REPS2: variants seen among roughly 807,000 people sequenced by gnomAD.
The protein encoded by REPS2 is ralBP1-associated Eps domain-containing protein 2.
REPS2 carries 23 observed loss-of-function variants against 53.6 expected under a neutral mutation model. That is an observed-to-expected ratio of 0.43 (90% confidence interval 0.31 to 0.61). The LOEUF (loss-of-function observed/expected upper bound fraction) is 0.61, where lower values mean the gene tolerates loss of function less well. Among genes scored for constraint, REPS2 ranks in the 20% least tolerant of loss-of-function variants. The pLI is 0.11. For synonymous variants in REPS2, 238 were observed against 218.6 expected (o/e 1.09, Z -0.78); for missense variants, 446 against 534.9 (o/e 0.83, Z 1.64).
intron 14 of REPS2, among the ~76,000 whole-genome samples, chrX:17,130,461 C>T (rs1180071854): frequency 8.9e-6 from 1 of 111,838 alleles, no homozygotes; most frequent in Non-Finnish European, 1.9e-5. Flanking sequence ...ACACATTGCT[C>T]TTTTAGCCCA....
the REPS2 span, among the ~76,000 whole-genome samples, chrX:17,165,137 A>C: frequency 8.9e-6 from 1 of 111,879 alleles, no homozygotes; most frequent in Non-Finnish European, 1.9e-5. Context: ...TAGAGAAACC[A>C]TCAGATGGGA....
the REPS2 span, among the ~76,000 whole-genome samples, chrX:17,186,393 A>G: frequency 8.9e-6 from 1 of 112,425 alleles, no homozygotes; most frequent in Admixed American, 9.4e-5. Flanking sequence ...GCTTAATGTT[A>G]TTATGCAATT....
At chrX:16,975,694 G>A (rs1488351710) in intron 1 of REPS2, among the ~76,000 whole-genome samples, 1 of 111,635 alleles carries the variant, frequency 9.0e-6, no homozygotes, top group Non-Finnish European at 1.9e-5. Flanking sequence ...TAGATATGAC[G>A]TATCAGAGTG....
At position 17,151,555 on chromosome X, in the gene REPS2, A is replaced by G. The variant is rs1165547250; in HGVS notation, c.*4074A>G. 1.8e-5 allele frequency: 2 copies of G among 112,946 alleles called. No individual in the cohort carries two copies. The highest frequency in any genetic ancestry group is 6.5e-5 in the African/African-American group (2 of 31,007). 9.3% of individuals were successfully genotyped at this position (112,946 alleles called of 1,213,427 possible). ...AGCTAAAAACATTTGTTCAACACAAACTAGAATCACACCTTCTCACTAGAT... is the reference window on the plus strand; with the variant it reads ...AGCTAAAAACATTTGTTCAACACAAGCTAGAATCACACCTTCTCACTAGAT... On this transcript the variant is annotated 3_prime_UTR_variant, in exon 18 of 18. Transcript: ENST00000357277.
intron 13 of REPS2, among the ~76,000 whole-genome samples, chrX:17,100,833 C>T (rs2062784396): frequency 9.0e-6 from 1 of 111,062 alleles, no homozygotes; most frequent in Non-Finnish European, 1.9e-5. Context: ...AATCCCAACA[C>T]TTTAGGAGGC....
rs375592148 is a variant in REPS2, at chrX:17,054,956, G to A, written c.1114+6G>A. 4 of 1,204,721 alleles carry A rather than the reference G, an allele frequency of 3.3e-6. No individual in the cohort carries two copies. In the African/African-American group the frequency reaches 7.0e-5, roughly 21 times the overall value. ...GCCAGAATACCTGCAGGCAGGTAAGGCCTCACCATCAACTGTAAACCTTAA... is the reference window on the plus strand; with the variant it reads ...GCCAGAATACCTGCAGGCAGGTAAGACCTCACCATCAACTGTAAACCTTAA... On this transcript the variant is annotated splice_donor_region_variant and intron_variant, in intron 8 of 17. Coordinates refer to ENST00000357277, the MANE Select transcript of REPS2 (RefSeq NM_004726.3).
rs1197984987 is a variant in REPS2, at chrX:16,968,036, G to T, written c.273+20902G>T. Among the ~76,000 whole-genome samples the T allele has an allele frequency of 9.9e-5, 11 of 110,627 alleles. No individual in the cohort carries two copies. The South Asian group carries it at 1.5e-3, about 15-fold the overall frequency. The stretch of plus-strand genomic sequence containing the variant: ...TGGGTACTTGAGATTAGGGAGCGGT[G>T]ATGACTCTTAAGGAGCATGCTGCCT... On this transcript the variant is annotated intron_variant, in intron 1 of 17. Transcript: ENST00000357277.
the REPS2 span, among the ~76,000 whole-genome samples, chrX:17,177,564 G>C: frequency 8.9e-6 from 1 of 111,770 alleles, no homozygotes; most frequent in Non-Finnish European, 1.9e-5. Flanking sequence ...TGGCCCAGAT[G>C]CCTGTCATCA....
intron 13 of REPS2, among the ~76,000 whole-genome samples, chrX:17,085,725 G>A (rs984902993): frequency 2.7e-5 from 3 of 111,080 alleles, no homozygotes; most frequent in South Asian, 3.7e-4. Flanking sequence ...GTTAAAAACC[G>A]TATTATGAAA....
chrX:17,117,948 CTTTTTTTTTTTT>C (rs145872769), intron 14 of REPS2, among the ~76,000 whole-genome samples: 11 of 31,005 alleles, frequency 3.5e-4, no homozygotes, highest in East Asian at 3.6e-3. Flanking sequence ...TGTTTCCTGA[CTTTTTTTTTTTT>C]TTTTTTTTTT....
rs113003240 is a variant in REPS2, at chrX:16,973,537, A to G, written c.273+26403A>G. 4.7e-3 allele frequency among the ~76,000 whole-genome samples: 526 copies of G among 111,924 alleles called. 3 individuals are homozygous for G. The highest frequency in any genetic ancestry group is 0.016 in the African/African-American group (506 of 30,889). ...ATAACGCTAGCAGCTGTGTTCCTCA[A>G]CTTTCAGGAGCTTAACACAACAGAT... On this transcript the variant is annotated intron_variant, in intron 1 of 17. Coordinates refer to ENST00000357277, the MANE Select transcript of REPS2 (RefSeq NM_004726.3).
chrX:17,077,784 A>G (rs1053244296), intron 13 of REPS2, among the ~76,000 whole-genome samples: 24 of 112,617 alleles, frequency 2.1e-4, no homozygotes, highest in Non-Finnish European at 7.5e-5. Context: ...GTGGTCTTCT[A>G]TGAAAGATCT....
intron 14 of REPS2, among the ~76,000 whole-genome samples, chrX:17,120,155 G>A (rs1190577105): frequency 3.6e-5 from 4 of 111,755 alleles, no homozygotes; most frequent in Admixed American, 9.5e-5. Context: ...GATTACAGGC[G>A]TGAGCCACTG....
intron 5 of REPS2, among the ~76,000 whole-genome samples, chrX:17,033,893 C>T (rs1323901038): frequency 8.9e-6 from 1 of 112,109 alleles, no homozygotes. Flanking sequence ...GCCGCTTTCC[C>T]TCCACTCTCT....
intron 1 of REPS2, among the ~76,000 whole-genome samples, chrX:16,962,547 G>A (rs2060678483): frequency 1.8e-5 from 2 of 111,539 alleles, no homozygotes; most frequent in African/African-American, 6.5e-5. Context: ...AGGTCAAAGT[G>A]TACAAACTTG....
At chrX:17,066,117 A>G (rs1378302189) in intron 9 of REPS2, among the ~76,000 whole-genome samples, 1 of 112,066 alleles carries the variant, frequency 8.9e-6, no homozygotes, top group East Asian at 2.8e-4. Flanking sequence ...TTTCAGTTCT[A>G]TTCTATTGAT....
chrX:17,069,191 C>T (rs1038406740), intron 10 of REPS2, among the ~76,000 whole-genome samples: 3 of 112,115 alleles, frequency 2.7e-5, no homozygotes, highest in African/African-American at 6.5e-5. Context: ...GATGAGTAAA[C>T]TGAAATTCAG....
chrX:17,160,147 C>CT, the REPS2 span, among the ~76,000 whole-genome samples: 1 of 112,655 alleles, frequency 8.9e-6, no homozygotes, highest in Admixed American at 9.4e-5. Flanking sequence ...ATAAATTTCA[C>CT]TGAGGAGATT....
At chrX:17,133,134 T>C (rs1008456264) in intron 14 of REPS2, among the ~76,000 whole-genome samples, 4 of 111,663 alleles carry the variant, frequency 3.6e-5, no homozygotes, top group African/African-American at 9.8e-5. Flanking sequence ...TTTTCCTTTT[T>C]CCCCTTTACC....
Sources: allele counts gnomAD v4.1 joint callset (sites outside exome capture counted in the v4.1 genomes callset), GRCh38; gene constraint gnomAD v4.1.1; transcripts MANE v1.5; gene names NCBI Gene and HGNC (gene_info 2026-07-23, HGNC 2026-07-21).